RC3H1: variants seen among roughly 807,000 people sequenced by gnomAD.
RC3H1 encodes the protein roquin-1.
RC3H1 carries 50 observed loss-of-function variants against 138.2 expected under a neutral mutation model. The ratio of observed to expected loss-of-function variants is 0.36; its 90% CI spans 0.29 to 0.46. RC3H1 has a LOEUF of 0.46. RC3H1 is among the 20% of genes least tolerant of loss of function. The probability of loss-of-function intolerance (pLI) is 1.00; values close to 1 mark genes in which losing one functional copy is unlikely to be tolerated. For synonymous variants in RC3H1, 462 were observed against 489.1 expected (o/e 0.94, Z 0.73); for missense variants, 1,031 against 1,388.1 (o/e 0.74, Z 4.09).
At chr1:173,949,492 C>T (rs1659291960) in intron 14 of RC3H1, among the ~76,000 whole-genome samples, 1 of 152,010 alleles carries the variant, frequency 6.6e-6, no homozygotes, top group Non-Finnish European at 1.5e-5. Context: ...CCTCAACCTC[C>T]CAAGTACCTG....
chr1:173,994,022 G>GAA (rs372280833), intron 1 of RC3H1, among the ~76,000 whole-genome samples: 2,472 of 46,852 alleles, frequency 0.053, 201 homozygotes, highest in African/African-American at 0.18. Flanking sequence ...CTCCATCTCA[G>GAA]AAAAAAAAAA....
chr1:173,985,511 G>A (rs1660991666), intron 2 of RC3H1, among the ~76,000 whole-genome samples: 1 of 141,914 alleles, frequency 7.0e-6, no homozygotes, highest in Non-Finnish European at 1.5e-5. Context: ...GTAATTCATT[G>A]TGGTTTGTCT....
In RC3H1 at chr1:174,017,566, G is replaced by T. The variant is rs1661881827; in HGVS notation, c.-151+4530C>A. Among the ~76,000 whole-genome samples, 6 of 152,004 alleles carry T rather than the reference G, an allele frequency of 3.9e-5. 1 individual carries two copies. The South Asian group carries it at 1.2e-3, about 32-fold the overall frequency. On this transcript the variant is annotated intron_variant, in intron 1 of 19. Coordinates refer to ENST00000367696, the MANE Select transcript of RC3H1 (RefSeq NM_172071.4). Reference sequence around the variant, plus strand: ...CGTTTGCTAGGGATTAGGGAAGAGGGGAATACAGAGTAACTGCTTAATGGG... The same window carrying T: ...CGTTTGCTAGGGATTAGGGAAGAGGTGAATACAGAGTAACTGCTTAATGGG...
intron 5 of RC3H1, among the ~76,000 whole-genome samples, chr1:173,981,839 G>A (rs1257573528): frequency 3.9e-5 from 6 of 152,032 alleles, no homozygotes; most frequent in Non-Finnish European, 7.4e-5. Context: ...GGCAGAGGAT[G>A]CAGTGAGCCA....
At chr1:173,961,609 A>C (rs1236850371) in intron 12 of RC3H1, 116 bp downstream of exon 12, 5 of 1,000,320 alleles carry the variant, frequency 5.0e-6, no homozygotes, top group Admixed American at 2.6e-5. Context: ...AAAAAAAAAG[A>C]AGCTCTCTTA....
Position 173,936,514 on chromosome 1 carries a change from C to CAAAAAAAAAAAA in RC3H1, c.*2195_*2206dup, listed in dbSNP as rs1169468233. 3.6e-5 allele frequency: 1 copy of CAAAAAAAAAAAA among 28,144 alleles called. No individual in the cohort carries two copies. The highest frequency in any genetic ancestry group is 9.6e-4 in the East Asian group (1 of 1,038). 1.7% of individuals were successfully genotyped at this position (28,144 alleles called of 1,614,324 possible). On this transcript the variant is annotated 3_prime_UTR_variant, in exon 20 of 20. Coordinates refer to ENST00000367696, the MANE Select transcript of RC3H1 (RefSeq NM_172071.4). ...GGGCAACAGAAGCAGACTCCCTCTC[C>CAAAAAAAAAAAA]AAAAAAAAAAAAAAAAAAAAAAAAA...
rs1658657620 is a variant in RC3H1, at chr1:173,937,530, A to C, written c.*1191T>G. ...TGTGCAGCAGAATTAAAAAAAAAAAAAACCTTACTCTTTTCAATATTTTCA... is the reference window on the plus strand; with the variant it reads ...TGTGCAGCAGAATTAAAAAAAAAAACAACCTTACTCTTTTCAATATTTTCA... On this transcript the variant is annotated 3_prime_UTR_variant, in exon 20 of 20. Coordinates refer to ENST00000367696, the MANE Select transcript of RC3H1 (RefSeq NM_172071.4). 6.6e-6 allele frequency: 1 copy of C among 152,468 alleles called. No individual in the cohort carries two copies. Among genetic ancestry groups the C allele is most frequent in the African/African-American group, 2.4e-5 (1 of 41,420 alleles). The allele number at this position is 152,468 out of a possible 1,614,324, so 9.4% of individuals were successfully genotyped here. A position where few individuals can be genotyped will look rare whatever the true frequency, so the allele number is the denominator to read the frequency against.
chr1:173,943,644 ACT>A (rs1215604300), intron 17 of RC3H1, 29 bp from the exon 18 acceptor site: 2 of 1,589,960 alleles, frequency 1.3e-6, no homozygotes, highest in Middle Eastern at 2.1e-4. Flanking sequence ...CACACAGAAA[ACT>A]CAACACACTT....
chr1:173,969,736 T>TA (rs569499891), intron 9 of RC3H1, among the ~76,000 whole-genome samples: 53 of 151,154 alleles, frequency 3.5e-4, no homozygotes, highest in Non-Finnish European at 7.5e-4. Flanking sequence ...AAAATAAAAA[T>TA]AAAAAAAATT....
At chr1:173,941,816 C>T (rs889232629) in intron 18 of RC3H1, among the ~76,000 whole-genome samples, 1 of 149,502 alleles carries the variant, frequency 6.7e-6, no homozygotes, top group Non-Finnish European at 1.5e-5. Flanking sequence ...CCTGTAATCC[C>T]AGCTACTCAA....
At chr1:173,944,747 T>C (rs946417583) in intron 17 of RC3H1, among the ~76,000 whole-genome samples, 5 of 152,174 alleles carry the variant, frequency 3.3e-5, no homozygotes, top group Non-Finnish European at 7.4e-5. Flanking sequence ...AAATAAGCAA[T>C]GGCGAAAGCA....
At chr1:173,976,095 G>A (rs1488520786) in intron 7 of RC3H1, among the ~76,000 whole-genome samples, 2 of 151,746 alleles carry the variant, frequency 1.3e-5, no homozygotes, top group South Asian at 4.1e-4. Flanking sequence ...ATAAAGAAGA[G>A]AATTAGTAGC....
chr1:173,978,440 G>A (rs201441519), intron 7 of RC3H1, 48 bp downstream of exon 7: 6 of 1,585,470 alleles, frequency 3.8e-6, no homozygotes, highest in Admixed American at 1.8e-5. Context: ...TCATTGAGCA[G>A]CACGAAAGGC....
At position 173,996,451 on chromosome 1, in the gene RC3H1, T is replaced by C. The variant is rs376996384; in HGVS notation, c.-150-3316A>G. On this transcript the variant is annotated intron_variant, in intron 1 of 19. Transcript: ENST00000367696. Reference sequence around the variant, plus strand: ...CAGACAGCAAGGTCTTCATGGACTATAGGAATTAATCAACTTGAACAATCA... The same window carrying C: ...CAGACAGCAAGGTCTTCATGGACTACAGGAATTAATCAACTTGAACAATCA... Among the ~76,000 whole-genome samples the C allele has an allele frequency of 2.1e-4, 32 of 152,296 alleles. No individual in the cohort carries two copies. The South Asian group carries it at 5.4e-3, about 26-fold the overall frequency.
intron 13 of RC3H1, among the ~76,000 whole-genome samples, chr1:173,953,809 C>T (rs577117232): frequency 4.6e-5 from 7 of 152,034 alleles, no homozygotes; most frequent in Middle Eastern, 3.4e-3. Context: ...GAGGTCGAGG[C>T]GGGCAGACCA....
At chr1:173,956,657 C>G (rs1659660727) in intron 13 of RC3H1, among the ~76,000 whole-genome samples, 1 of 140,378 alleles carries the variant, frequency 7.1e-6, no homozygotes, top group African/African-American at 2.6e-5. Context: ...GAAACTCCAC[C>G]TCAAAAAATT....
chr1:173,987,227 C>T (rs1278033790), intron 2 of RC3H1, among the ~76,000 whole-genome samples: 1 of 152,226 alleles, frequency 6.6e-6, no homozygotes, highest in African/African-American at 2.4e-5. Flanking sequence ...GTAGCCCACA[C>T]ACATTCTACA....
chr1:173,985,322 C>T (rs1660981388), intron 2 of RC3H1, among the ~76,000 whole-genome samples: 1 of 146,924 alleles, frequency 6.8e-6, no homozygotes, highest in African/African-American at 2.7e-5. Context: ...TGGTATATAC[C>T]TAGGAGTCTG....
In RC3H1 at chr1:173,982,892, C is replaced by G; in HGVS notation, c.603G>C (p.Glu201Asp). The G allele has an allele frequency of 6.2e-7, 1 of 1,606,710 alleles. No homozygotes were observed. Among genetic ancestry groups the G allele is most frequent in the South Asian group, 1.1e-5 (1 of 89,548 alleles). Reference sequence around the variant, plus strand: ...CCAGCAGAACCAACTTTAAAGCTTCCTCCTGCATTGCTAGGGAAAGTTGGG... The same window carrying G: ...CCAGCAGAACCAACTTTAAAGCTTCGTCCTGCATTGCTAGGGAAAGTTGGG... ...GCQFLGPAMQ[E>D]EALKLVLLAL... The change falls in exon 5 of 20, where the codon GAG (glutamate) becomes GAC (aspartate). Residue 201 changes from glutamate (E) to aspartate (D), a missense_variant. This residue lies in a region of RC3H1 where 53 missense variants were observed against 137.4 expected (regional missense o/e 0.39). Transcript: ENST00000367696.
Sources: gnomAD v4.1 joint callset for allele counts (sites outside exome capture counted in the v4.1 genomes callset) on GRCh38, gnomAD v4.1.1 for gene constraint, gnomAD v4.1.1 regional missense constraint, MANE v1.5 for transcripts, NCBI Gene and HGNC (gene_info 2026-07-23, HGNC 2026-07-21) for gene names.